RIT2: variants seen among roughly 807,000 people sequenced by gnomAD.
The protein encoded by RIT2 is Ras like without CAAX 2, also known as GTP-binding protein Rit2.
RIT2 carries 24 observed loss-of-function variants against 23.7 expected under a neutral mutation model. That is an observed-to-expected ratio of 1.01 (90% CI 0.73 to 1.43). RIT2 has a LOEUF of 1.43. Ranked by LOEUF, RIT2 falls within the 40% of genes most tolerant of loss-of-function variation. The pLI is 0.00. For missense variants in RIT2, 236 were observed against 266.9 expected, an observed-to-expected ratio of 0.88 and a Z score of 0.81; for synonymous variants, 107 against 91.1, an observed-to-expected ratio of 1.17 and a Z score of -0.99.
intron 4 of RIT2, among the ~76,000 whole-genome samples, chr18:42,835,336 A>C (rs1906566897): frequency 1.3e-5 from 2 of 152,076 alleles, no homozygotes; most frequent in South Asian, 4.1e-4. Flanking sequence ...ACACACACAC[A>C]ACTTATAACA....
Position 42,826,248 on chromosome 18 carries a change from A to G in RIT2, c.427-82528T>C, listed in dbSNP as rs1198028274. 3.9e-5 allele frequency among the ~76,000 whole-genome samples: 6 copies of G among 152,074 alleles called. No individual in the cohort carries two copies. In the East Asian group the frequency reaches 9.6e-4, roughly 24 times the overall value. On this transcript the variant is annotated intron_variant, in intron 4 of 4. Transcript: ENST00000326695. Reference sequence around the variant, plus strand: ...AGGCACTCTCTTACATCCATTTTACAGAAGAGAAAGCTGAAGCAGGTAGAT... The same window carrying G: ...AGGCACTCTCTTACATCCATTTTACGGAAGAGAAAGCTGAAGCAGGTAGAT...
chr18:43,098,054 A>T (rs564383181), intron 1 of RIT2, among the ~76,000 whole-genome samples: 1 of 151,866 alleles, frequency 6.6e-6, no homozygotes, highest in Non-Finnish European at 1.5e-5. Context: ...ACATGATGGG[A>T]GTGATGGGGA....
At chr18:42,792,615 A>AAGC (rs1021607686) in intron 4 of RIT2, among the ~76,000 whole-genome samples, 1 of 152,154 alleles carries the variant, frequency 6.6e-6, no homozygotes, top group African/African-American at 2.4e-5. Context: ...GGCAGGTGGC[A>AAGC]TTTACATTTT....
At chr18:42,918,940 C>T (rs566350054) in intron 4 of RIT2, among the ~76,000 whole-genome samples, 48 of 152,164 alleles carry the variant, frequency 3.2e-4, no homozygotes, top group Non-Finnish European at 6.5e-4. Flanking sequence ...GTGCTACCCA[C>T]ATGGGTCTCT....
chr18:42,765,552 A>G (rs1472113911), intron 4 of RIT2, among the ~76,000 whole-genome samples: 2 of 152,196 alleles, frequency 1.3e-5, no homozygotes, highest in Non-Finnish European at 2.9e-5. Flanking sequence ...TGCTAAGGTC[A>G]GCCCTCACAT....
Position 42,893,813 on chromosome 18 carries a change from A to G in RIT2, c.426+29759T>C, listed in dbSNP as rs191596473. ...ACTTCATTCTGTCATGGGCTGGTAC[A>G]CCCCTCACTCCTTTCATTACTCTTT... On this transcript the variant is annotated intron_variant, in intron 4 of 4. Transcript: ENST00000326695. Among the ~76,000 whole-genome samples, 541 of 152,166 alleles carry G rather than the reference A, an allele frequency of 3.6e-3. 5 individuals carry two copies. The highest frequency in any genetic ancestry group is 0.012 in the African/African-American group (491 of 41,508).
chr18:42,765,742 T>C (rs774333301), intron 4 of RIT2, among the ~76,000 whole-genome samples: 2 of 152,358 alleles, frequency 1.3e-5, no homozygotes, highest in Non-Finnish European at 1.5e-5. Flanking sequence ...ACACATATAA[T>C]ACATAATATG....
At chr18:42,869,535 T>A (rs1306341929) in intron 4 of RIT2, among the ~76,000 whole-genome samples, 2 of 152,254 alleles carry the variant, frequency 1.3e-5, no homozygotes, top group Admixed American at 1.3e-4. Flanking sequence ...TTTCTCTTTA[T>A]ATGGTCTTGC....
At chr18:42,900,218 T>C (rs1256532925) in intron 4 of RIT2, among the ~76,000 whole-genome samples, 3 of 152,114 alleles carry the variant, frequency 2.0e-5, no homozygotes, top group Non-Finnish European at 4.4e-5. Context: ...AAGAAATTTC[T>C]GCTTCTCTTT....
intron 4 of RIT2, among the ~76,000 whole-genome samples, chr18:42,779,914 G>A (rs1598650659): frequency 6.6e-6 from 1 of 152,044 alleles, no homozygotes; most frequent in South Asian, 2.1e-4. Flanking sequence ...ACATGAAATG[G>A]AGAGAATAGT....
At chr18:42,973,216 G>A (rs1278915777) in intron 3 of RIT2, among the ~76,000 whole-genome samples, 2 of 151,380 alleles carry the variant, frequency 1.3e-5, no homozygotes, top group African/African-American at 4.8e-5. Flanking sequence ...GACAATATTT[G>A]CCTATTTTAG....
chr18:42,788,643 T>C (rs1913974446), intron 4 of RIT2, among the ~76,000 whole-genome samples: 1 of 152,196 alleles, frequency 6.6e-6, no homozygotes, highest in Non-Finnish European at 1.5e-5. Context: ...ATTGGAAACC[T>C]CTCCAGCTCC....
chr18:42,911,508 C>T (rs570977444), intron 4 of RIT2, among the ~76,000 whole-genome samples: 141 of 152,044 alleles, frequency 9.3e-4, no homozygotes, highest in African/African-American at 3.1e-3. Context: ...CCATGGGTAA[C>T]TATATAAGAT....
In RIT2 at chr18:43,026,580, G is replaced by GAAAGAAAGAAAGAAAGAAAGAAAT. The variant is rs1911727023; in HGVS notation, c.160+7230_160+7231insATTTCTTTCTTTCTTTCTTTCTTT. Among the ~76,000 whole-genome samples, 184 of 63,878 alleles carry GAAAGAAAGAAAGAAAGAAAGAAAT rather than the reference G, an allele frequency of 2.9e-3. 2 individuals are homozygous for GAAAGAAAGAAAGAAAGAAAGAAAT. Among genetic ancestry groups the GAAAGAAAGAAAGAAAGAAAGAAAT allele is most frequent in the African/African-American group, 9.4e-3 (176 of 18,692 alleles). 41.9% of individuals were successfully genotyped at this position (63,878 alleles called of 152,430 possible). ...AAAAAAGTAAGAAATAAATAAGAAA[G>GAAAGAAAGAAAGAAAGAAAGAAAT]AAAGAAAGAAAGAAAGAAAGAAAGA... On this transcript the variant is annotated intron_variant, in intron 2 of 4. Transcript: ENST00000326695.
At chr18:42,845,029 G>C (rs1906869575) in intron 4 of RIT2, among the ~76,000 whole-genome samples, 1 of 152,110 alleles carries the variant, frequency 6.6e-6, no homozygotes, top group South Asian at 2.1e-4. Flanking sequence ...AAAAATCTAA[G>C]AATGAGGGCA....
At chr18:42,833,172 A>G (rs996574262) in intron 4 of RIT2, among the ~76,000 whole-genome samples, 1 of 151,686 alleles carries the variant, frequency 6.6e-6, no homozygotes, top group African/African-American at 2.4e-5. Flanking sequence ...AGCCTCTAGT[A>G]TCTATTATTC....
At chr18:42,990,835 C>T (rs901897331) in intron 2 of RIT2, among the ~76,000 whole-genome samples, 8 of 151,490 alleles carry the variant, frequency 5.3e-5, no homozygotes, top group African/African-American at 1.9e-4. Context: ...AATCACAGAC[C>T]CAATAGGAGG....
At chr18:42,792,861 G>A (rs958422409) in intron 4 of RIT2, among the ~76,000 whole-genome samples, 1 of 151,994 alleles carries the variant, frequency 6.6e-6, no homozygotes, top group Admixed American at 6.5e-5. Flanking sequence ...CCTCACTAAT[G>A]TCAGCTTTAG....
chr18:43,008,788 T>TAGC (rs1051883082), intron 2 of RIT2, among the ~76,000 whole-genome samples: 1 of 151,600 alleles, frequency 6.6e-6, no homozygotes, highest in African/African-American at 2.4e-5. Flanking sequence ...AAGGTTGTAA[T>TAGC]AGCACCTTGA....
Sources: allele counts gnomAD v4.1 joint callset (sites outside exome capture counted in the v4.1 genomes callset), GRCh38; gene constraint gnomAD v4.1.1; transcripts MANE v1.5; gene names NCBI Gene and HGNC (gene_info 2026-07-23, HGNC 2026-07-21).